LRTM3: variants seen among roughly 807,000 people sequenced by gnomAD.
The protein encoded by LRTM3 is leucine rich repeat transmembrane protein 3, also known as leucine-rich repeat transmembrane protein 3.
the LRTM3 span, chr13:102,737,917 C>T: frequency 6.4e-7 from 1 of 1,550,878 alleles, no homozygotes; most frequent in Non-Finnish European, 8.7e-7. Context: ...CCTGTTCATT[C>T]TTGTCTCCAT....
chr13:102,749,817 G>T, the LRTM3 span: 2 of 1,551,198 alleles, frequency 1.3e-6, no homozygotes, highest in South Asian at 2.4e-5. Flanking sequence ...TCCTGTGCTT[G>T]GACAGAAATA....
At chr13:102,744,064 A>T in the LRTM3 span, 1 of 1,550,512 alleles carries the variant, frequency 6.4e-7, no homozygotes, top group African/African-American at 1.4e-5. Context: ...TACTCTTAGC[A>T]TATTCAGTGG....
At chr13:102,732,913 T>C in the LRTM3 span, 9 of 1,551,338 alleles carry the variant, frequency 5.8e-6, no homozygotes, top group Admixed American at 2.0e-5. Context: ...CTGATTGAAA[T>C]TGAAAAGTCC....
chr13:102,754,556 G>GA, the LRTM3 span, among the ~76,000 whole-genome samples: 1 of 151,928 alleles, frequency 6.6e-6, no homozygotes, highest in Non-Finnish European at 1.5e-5. Context: ...ATTTCAGTGA[G>GA]AAAAAAATCC....
the LRTM3 span, chr13:102,733,154 G>C: frequency 6.4e-7 from 1 of 1,551,388 alleles, no homozygotes; most frequent in South Asian, 1.2e-5. Flanking sequence ...GATAGTGTTC[G>C]TCCTGGTCTT....
At chr13:102,743,552 G>T in the LRTM3 span, 1 of 1,548,986 alleles carries the variant, frequency 6.5e-7, no homozygotes, top group Middle Eastern at 1.7e-4. Context: ...TTTCCTTTCT[G>T]ATAACTGTAT....
At chr13:102,756,152 C>T in the LRTM3 span, among the ~76,000 whole-genome samples, 5 of 150,702 alleles carry the variant, frequency 3.3e-5, no homozygotes, top group African/African-American at 4.9e-5. Context: ...GGGGTTTCAC[C>T]ATGTTGTCCA....
At chr13:102,732,250 A>AATAGAAAGACTTCTGATAAAT in the LRTM3 span, 1 of 1,551,360 alleles carries the variant, frequency 6.4e-7, no homozygotes, top group East Asian at 2.4e-5. Flanking sequence ...GCATGATGGA[A>AATAGAAAGACTTCTGATAAAT]ATAGAAAGAC....
chr13:102,730,012 A>G, the LRTM3 span: 22 of 1,551,582 alleles, frequency 1.4e-5, no homozygotes, highest in Non-Finnish European at 1.8e-5. Context: ...TGAATGATAC[A>G]CTAGATGACC....
the LRTM3 span, among the ~76,000 whole-genome samples, chr13:102,755,702 A>T: frequency 2.0e-5 from 3 of 151,786 alleles, no homozygotes; most frequent in African/African-American, 7.3e-5. Flanking sequence ...AGGTGCAGTA[A>T]ACCACCATGG....
the LRTM3 span, chr13:102,740,291 T>A: frequency 7.1e-6 from 11 of 1,550,218 alleles, no homozygotes; most frequent in Non-Finnish European, 9.6e-6. Flanking sequence ...ATCTTGTTTT[T>A]TCATCTGCCT....
At chr13:102,757,969 A>G in the LRTM3 span, among the ~76,000 whole-genome samples, 2 of 152,242 alleles carry the variant, frequency 1.3e-5, no homozygotes, top group South Asian at 4.1e-4. Flanking sequence ...GTCAGTATTT[A>G]ATCCCTAGCA....
chr13:102,756,065 T>C, the LRTM3 span, among the ~76,000 whole-genome samples: 9 of 148,840 alleles, frequency 6.0e-5, no homozygotes, highest in Non-Finnish European at 3.0e-5. Context: ...GTTCAAGCCA[T>C]TCTCAGCCTC....
chr13:102,734,804 G>A, the LRTM3 span: 2 of 1,551,056 alleles, frequency 1.3e-6, no homozygotes, highest in South Asian at 1.2e-5. Flanking sequence ...AACCACACCT[G>A]GTTCACCTTC....
the LRTM3 span, chr13:102,748,662 A>C: frequency 6.4e-7 from 1 of 1,550,546 alleles, no homozygotes; most frequent in Non-Finnish European, 8.7e-7. Context: ...TGGAGATCAA[A>C]TGGTTTTTTA....
chr13:102,756,673 TAAAAAA>T, the LRTM3 span, among the ~76,000 whole-genome samples: 9,697 of 67,378 alleles, frequency 0.14, 748 homozygotes, highest in South Asian at 0.19. Flanking sequence ...AAACTCTGTC[TAAAAAA>T]AAAAAAAAAA....
the LRTM3 span, chr13:102,749,415 G>A: frequency 3.2e-6 from 5 of 1,551,300 alleles, no homozygotes; most frequent in South Asian, 4.8e-5. Flanking sequence ...TTTGGATTCA[G>A]AGTTAAAACG....
the LRTM3 span, chr13:102,743,065 A>G: frequency 6.5e-7 from 1 of 1,550,366 alleles, no homozygotes; most frequent in Non-Finnish European, 8.7e-7. Flanking sequence ...CCTCTGATTT[A>G]CCAAGATGAC....
the LRTM3 span, chr13:102,739,473 C>T: frequency 6.4e-7 from 1 of 1,550,520 alleles, no homozygotes; most frequent in Admixed American, 2.0e-5. Context: ...TCTTTACCTG[C>T]TTTTGTTCTT....
Sources: gnomAD v4.1 joint callset for allele counts (sites outside exome capture counted in the v4.1 genomes callset) on GRCh38, gnomAD v4.1.1 for gene constraint, MANE v1.5 for transcripts, NCBI Gene and HGNC (gene_info 2026-07-23, HGNC 2026-07-21) for gene names.